Variants in KANK1 observed in about 807,000 individuals in gnomAD.
KANK1 encodes the protein KN motif and ankyrin repeat domain-containing protein 1.
In KANK1, 109 loss-of-function variants were observed where a neutral mutation model predicts 106.2. That is an observed-to-expected ratio of 1.03 (90% CI 0.88 to 1.20). KANK1 has a LOEUF of 1.20. Ranked by LOEUF, KANK1 falls within the 50% of genes most tolerant of loss-of-function variation. The pLI is 0.00. For missense variants in KANK1, 2,399 were observed against 1,710.7 expected, an observed-to-expected ratio of 1.40 and a Z score of -7.10; for synonymous variants, 873 against 652.2, an observed-to-expected ratio of 1.34 and a Z score of -5.16.
At chr9:529,788 A>G (rs954983224) in intron 1 of KANK1, among the ~76,000 whole-genome samples, 5 of 152,208 alleles carry the variant, frequency 3.3e-5, no homozygotes, top group Non-Finnish European at 5.9e-5. Flanking sequence ...TGATAGTGCC[A>G]TGTGTGATGA....
chr9:579,903 T>G (rs1821585576), intron 1 of KANK1, among the ~76,000 whole-genome samples: 1 of 152,170 alleles, frequency 6.6e-6, no homozygotes, highest in Admixed American at 6.5e-5. Flanking sequence ...GTGCTGAATT[T>G]TCTAATATGA....
chr9:600,102 G>A (rs766466766), intron 1 of KANK1, among the ~76,000 whole-genome samples: 1 of 151,626 alleles, frequency 6.6e-6, no homozygotes, highest in Admixed American at 6.6e-5. Context: ...GCACAATTCA[G>A]TAATGTTGTT....
chr9:717,070 A>G (rs2131149973), intron 3 of KANK1, among the ~76,000 whole-genome samples: 1 of 152,240 alleles, frequency 6.6e-6, no homozygotes, highest in South Asian at 2.1e-4. Flanking sequence ...AGAGTGCTTG[A>G]GCCCAGGAGT....
chr9:542,801 G>C (rs2060687652), intron 1 of KANK1, among the ~76,000 whole-genome samples: 1 of 152,070 alleles, frequency 6.6e-6, no homozygotes, highest in Non-Finnish European at 1.5e-5. Context: ...CAGAAAGACA[G>C]ATACTGCATT....
At chr9:625,131 A>T (rs945689030) in intron 1 of KANK1, among the ~76,000 whole-genome samples, 3 of 152,154 alleles carry the variant, frequency 2.0e-5, no homozygotes, top group Non-Finnish European at 4.4e-5. Flanking sequence ...CAGCCCGCAG[A>T]TCTCTTATTT....
chr9:576,027 CA>C (rs1820468724), intron 1 of KANK1, among the ~76,000 whole-genome samples: 1 of 152,196 alleles, frequency 6.6e-6, no homozygotes, highest in South Asian at 2.1e-4. Context: ...CATCTCAAAA[CA>C]AAAAACAATA....
At chr9:507,746 C>T (rs552381150) in intron 1 of KANK1, among the ~76,000 whole-genome samples, 1 of 152,022 alleles carries the variant, frequency 6.6e-6, no homozygotes, top group South Asian at 2.1e-4. Flanking sequence ...TTAGTAGAGA[C>T]AGGGTTTCAC....
intron 1 of KANK1, among the ~76,000 whole-genome samples, chr9:545,430 T>C (rs1175427121): frequency 6.6e-6 from 1 of 152,114 alleles, no homozygotes; most frequent in East Asian, 1.9e-4. Context: ...CCCATGTGGA[T>C]AGTAACTGCA....
chr9:615,424 G>C (rs889755751), intron 1 of KANK1, among the ~76,000 whole-genome samples: 4 of 152,086 alleles, frequency 2.6e-5, no homozygotes, highest in Non-Finnish European at 5.9e-5. Context: ...CACTGGGTGG[G>C]AGAAAGCCTT....
At position 504,744 on chromosome 9, in the gene KANK1, A is replaced by T. The variant is rs1414554965; in HGVS notation, c.-94A>T. 8.0e-6 allele frequency: 1 copy of T among 125,448 alleles called. No individual in the cohort carries two copies. Among genetic ancestry groups the T allele is most frequent in the African/African-American group, 2.8e-5 (1 of 35,286 alleles). The allele number at this position is 125,448 out of a possible 1,614,324, so 7.8% of individuals were successfully genotyped here. On this transcript the variant is annotated 5_prime_UTR_variant, in exon 1 of 12. Coordinates refer to ENST00000382297, the MANE Select transcript of KANK1 (RefSeq NM_015158.5). ...AGCGAGCGGCCGGCAGGTTGGGAGG[A>T]GCGGCCGAAGGTGAGTGACGCGGCG...
chr9:671,288 A>T (rs192985967), intron 1 of KANK1, among the ~76,000 whole-genome samples: 44 of 151,564 alleles, frequency 2.9e-4, no homozygotes, highest in African/African-American at 1.0e-3. Context: ...GAAACAGTTG[A>T]CATTCATATA....
At chr9:684,601 A>T in intron 2 of KANK1, 1 of 984,768 alleles carries the variant, frequency 1.0e-6, no homozygotes, top group African/African-American at 1.7e-5. Context: ...ATTTCTGATT[A>T]TGCACTTCCC....
At chr9:640,908 G>A (rs1381259305) in intron 1 of KANK1, among the ~76,000 whole-genome samples, 1 of 151,324 alleles carries the variant, frequency 6.6e-6, no homozygotes, top group Non-Finnish European at 1.5e-5. Flanking sequence ...ATGTTAGCCA[G>A]GATGGTCTCG....
intron 2 of KANK1, among the ~76,000 whole-genome samples, chr9:684,972 A>G (rs1433868953): frequency 2.0e-5 from 3 of 152,204 alleles, no homozygotes; most frequent in African/African-American, 7.2e-5. Flanking sequence ...CATCCAGGAA[A>G]TCAGATTTTA....
chr9:686,852 C>T (rs1818702651), intron 2 of KANK1: 5 of 985,222 alleles, frequency 5.1e-6, no homozygotes, highest in Non-Finnish European at 6.0e-6. Flanking sequence ...AAAACAGCAG[C>T]TGGAATTCAC....
At chr9:603,470 A>G (rs181068327) in intron 1 of KANK1, among the ~76,000 whole-genome samples, 1 of 151,944 alleles carries the variant, frequency 6.6e-6, no homozygotes, top group Non-Finnish European at 1.5e-5. Context: ...TTAGTAATGT[A>G]AGTCATATTC....
At chr9:597,880 A>G (rs1032644224) in intron 1 of KANK1, among the ~76,000 whole-genome samples, 4 of 151,302 alleles carry the variant, frequency 2.6e-5, no homozygotes, top group African/African-American at 4.9e-5. Flanking sequence ...TGGCCAGGCT[A>G]TCTTGAACTC....
chr9:614,803 G>C (rs7020705), intron 1 of KANK1, among the ~76,000 whole-genome samples: 116,108 of 152,024 alleles, frequency 0.76, 44,814 homozygotes, highest in Non-Finnish European at 0.81. Flanking sequence ...GTATATAAAT[G>C]TACTTTATAT....
chr9:577,064 C>G (rs1461107816), intron 1 of KANK1, among the ~76,000 whole-genome samples: 1 of 152,134 alleles, frequency 6.6e-6, no homozygotes, highest in Non-Finnish European at 1.5e-5. Context: ...ATCTGCAGAC[C>G]TTTGCAGTGT....
Sources: allele counts gnomAD v4.1 joint callset (sites outside exome capture counted in the v4.1 genomes callset), GRCh38; gene constraint gnomAD v4.1.1; transcripts MANE v1.5; gene names NCBI Gene and HGNC (gene_info 2026-07-23, HGNC 2026-07-21).